The following SORCS2 variants were observed in gnomAD, a reference collection of about 807,000 sequenced individuals.
The protein encoded by SORCS2 is VPS10 domain-containing receptor SorCS2.
In SORCS2, 100 loss-of-function variants were observed where a neutral mutation model predicts 141.6. The ratio of observed to expected loss-of-function variants is 0.71; its 90% CI spans 0.60 to 0.83. SORCS2 has a LOEUF of 0.83. SORCS2 is among the 40% of genes least tolerant of loss of function. The probability of loss-of-function intolerance (pLI) is 0.00; values close to 1 mark genes in which losing one functional copy is unlikely to be tolerated. For missense variants in SORCS2, 1,646 were observed against 1,560.2 expected (o/e 1.05, Z -0.93); for synonymous variants, 789 against 676.9 (o/e 1.17, Z -2.57).
intron 3 of SORCS2, among the ~76,000 whole-genome samples, chr4:7,622,584 C>T: frequency 6.6e-6 from 1 of 152,148 alleles, no homozygotes. Flanking sequence ...CCCTGCCTTC[C>T]CTGCCCACCT....
intron 1 of SORCS2, among the ~76,000 whole-genome samples, chr4:7,294,682 TCC>T (rs1560170187): frequency 1.2e-5 from 1 of 86,802 alleles, no homozygotes; most frequent in African/African-American, 4.6e-5. Flanking sequence ...CTCCTCCTCC[TCC>T]TCCCCCTCAT....
chr4:7,430,715 G>A (rs1577548869), intron 2 of SORCS2: 1 of 152,326 alleles, frequency 6.6e-6, no homozygotes, highest in Admixed American at 6.5e-5. Context: ...TGCTGGGATG[G>A]GTCTCCCAAA....
At chr4:7,282,526 G>C (rs1715948340) in intron 1 of SORCS2, among the ~76,000 whole-genome samples, 1 of 152,180 alleles carries the variant, frequency 6.6e-6, no homozygotes, top group Non-Finnish European at 1.5e-5. Context: ...GGATGTAGCT[G>C]TATATTATAA....
chr4:7,427,232 G>T (rs926846054), intron 2 of SORCS2, among the ~76,000 whole-genome samples: 7 of 152,164 alleles, frequency 4.6e-5, no homozygotes, highest in African/African-American at 1.7e-4. Flanking sequence ...GCAAAGTCTT[G>T]TGTGGCTGGA....
intron 19 of SORCS2, among the ~76,000 whole-genome samples, chr4:7,724,825 AG>A (rs1560114784): frequency 4.1e-5 from 3 of 73,780 alleles, no homozygotes; most frequent in African/African-American, 1.6e-4. Flanking sequence ...TGGTGATGGC[AG>A]TGATGATGGT....
chr4:7,638,667 G>A (rs1229861278), intron 4 of SORCS2, among the ~76,000 whole-genome samples, 175 bp downstream of exon 4: 1 of 152,028 alleles, frequency 6.6e-6, no homozygotes, highest in African/African-American at 2.4e-5. Flanking sequence ...TCTCCTTGGT[G>A]CCCCCTCAAG....
At chr4:7,681,955 G>A (rs1723551858) in intron 9 of SORCS2, among the ~76,000 whole-genome samples, 1 of 152,172 alleles carries the variant, frequency 6.6e-6, no homozygotes, top group Non-Finnish European at 1.5e-5. Flanking sequence ...GCATTCCCGT[G>A]CCTCTTCACA....
chr4:7,628,664 T>A (rs1167391663), intron 3 of SORCS2, among the ~76,000 whole-genome samples: 1 of 151,872 alleles, frequency 6.6e-6, no homozygotes, highest in East Asian at 1.9e-4. Flanking sequence ...TCCCTGACCA[T>A]GTGGCCTCGT....
intron 2 of SORCS2, among the ~76,000 whole-genome samples, chr4:7,477,804 C>G (rs945179519): frequency 2.0e-5 from 3 of 152,196 alleles, no homozygotes; most frequent in Non-Finnish European, 4.4e-5. Context: ...ATGAGTGAGA[C>G]AAGCGTGGAA....
At chr4:7,589,873 C>T (rs965076356) in intron 3 of SORCS2, among the ~76,000 whole-genome samples, 2 of 152,166 alleles carry the variant, frequency 1.3e-5, no homozygotes, top group Admixed American at 6.5e-5. Flanking sequence ...AACCCAGACA[C>T]CTGGATCTGT....
At position 7,740,093 on chromosome 4, in the gene SORCS2, T is replaced by G; in HGVS notation, c.3416-107T>G. 3 of 899,864 alleles carry G rather than the reference T, an allele frequency of 3.3e-6. No homozygotes were observed. The South Asian group carries it at 4.3e-5, about 13-fold the overall frequency. The allele number at this position is 899,864 out of a possible 1,614,324, so 55.7% of individuals were successfully genotyped here. A position where few individuals can be genotyped will look rare whatever the true frequency, so the allele number is the denominator to read the frequency against. On this transcript the variant is annotated intron_variant, in intron 26 of 26. Coordinates refer to ENST00000507866, the MANE Select transcript of SORCS2 (RefSeq NM_020777.3). ...GCTGAAGGAAGCCAGGGAGGCCCAC[T>G]GCACGTTGGCTCGAGGCACTGCCTG... is the stretch of plus-strand genomic sequence containing the variant.
chr4:7,375,422 G>C (rs1722576115), intron 1 of SORCS2, among the ~76,000 whole-genome samples: 1 of 152,160 alleles, frequency 6.6e-6, no homozygotes, highest in African/African-American at 2.4e-5. Context: ...CAGTTCCCTG[G>C]GCCTTGCAGC....
At chr4:7,722,123 C>A (rs568429666) in intron 18 of SORCS2, among the ~76,000 whole-genome samples, 1 of 152,200 alleles carries the variant, frequency 6.6e-6, no homozygotes, top group Non-Finnish European at 1.5e-5. Context: ...CAGCGCAGCC[C>A]TTGAAGGCAG....
intron 3 of SORCS2, among the ~76,000 whole-genome samples, chr4:7,598,995 G>A (rs549371222): frequency 6.6e-6 from 1 of 152,328 alleles, no homozygotes; most frequent in Admixed American, 6.5e-5. Flanking sequence ...CGGCAGGGTT[G>A]AAGCAAGGGC....
rs181198203 is a variant in SORCS2, at chr4:7,312,889, A to G, written c.481-83399A>G. ...GGTGTCATGGGACTTCTAGACCAGC[A>G]GAAGGGCCTGGTGGATCTCCAGGGC... On this transcript the variant is annotated intron_variant, in intron 1 of 26. Transcript: ENST00000507866. 2.7e-3 allele frequency among the ~76,000 whole-genome samples: 410 copies of G among 152,368 alleles called. 6 individuals carry two copies. The highest frequency in any genetic ancestry group is 0.014 in the Middle Eastern group (4 of 294).
At chr4:7,220,549 AAATATCTAGTAAGC>A (rs1487472455) in intron 1 of SORCS2, among the ~76,000 whole-genome samples, 2 of 152,178 alleles carry the variant, frequency 1.3e-5, no homozygotes, top group Non-Finnish European at 2.9e-5. Context: ...TGATTTCTGG[AAATATCTAGTAAGC>A]ATTGGTTTAG....
intron 20 of SORCS2, among the ~76,000 whole-genome samples, chr4:7,725,985 C>A (rs1357202524): frequency 1.3e-5 from 2 of 152,238 alleles, no homozygotes; most frequent in African/African-American, 4.8e-5. Context: ...TCCGCCACTT[C>A]CAGCTGAATG....
intron 1 of SORCS2, among the ~76,000 whole-genome samples, chr4:7,323,571 G>A (rs955593140): frequency 2.0e-5 from 3 of 152,120 alleles, no homozygotes; most frequent in African/African-American, 7.2e-5. Flanking sequence ...GGTAGCACCT[G>A]TGCCCTTGCC....
Position 7,456,509 on chromosome 4 carries a change from C to G in SORCS2, c.548+60154C>G, listed in dbSNP as rs1187821127. Among the ~76,000 whole-genome samples the G allele has an allele frequency of 1.3e-5, 2 of 152,066 alleles. 1 individual carries two copies. Among genetic ancestry groups the G allele is most frequent in the South Asian group, 4.1e-4 (2 of 4,822 alleles). ...GGGGGCCTCCTTTTGAGGACAGAAA[C>G]ATAAAATGGTCCGGGCACTGTTGTC... On this transcript the variant is annotated intron_variant, in intron 2 of 26. Transcript: ENST00000507866.
Sources: allele counts gnomAD v4.1 joint callset (sites outside exome capture counted in the v4.1 genomes callset), GRCh38; gene constraint gnomAD v4.1.1; transcripts MANE v1.5; gene names NCBI Gene and HGNC (gene_info 2026-07-23, HGNC 2026-07-21).